Variants in DCLRE1C observed in about 807,000 individuals in gnomAD.
The protein encoded by DCLRE1C is DNA cross-link repair 1C.
A neutral mutation model predicts 61.4 loss-of-function variants in DCLRE1C; 47 were observed. That is an observed-to-expected ratio of 0.77 (90% CI 0.61 to 0.98). The LOEUF (loss-of-function observed/expected upper bound fraction) is 0.98, where lower values mean the gene tolerates loss of function less well. Among genes scored for constraint, DCLRE1C ranks in the 50% least tolerant of loss-of-function variants. The pLI, the probability that DCLRE1C is intolerant of heterozygous loss-of-function variation, is 0.00. For synonymous variants in DCLRE1C, 337 were observed against 287.6 expected (o/e 1.17, Z -1.74); for missense variants, 858 against 816.0 (o/e 1.05, Z -0.63).
Position 14,934,742 on chromosome 10 carries a change from A to G in DCLRE1C, c.498T>C (p.Thr166=), listed in dbSNP as rs756168646. 27 of 1,613,888 alleles carry G rather than the reference A, an allele frequency of 1.7e-5. No individual in the cohort carries two copies. The highest frequency in any genetic ancestry group is 2.3e-5 in the Non-Finnish European group (27 of 1,179,834). Reference sequence around the variant, plus strand: ...GGTAAAATCTTGGATCACAGAACGTAGTATCCAAATATACACTTTGGATGT... The same window carrying G: ...GGTAAAATCTTGGATCACAGAACGTGGTATCCAAATATACACTTTGGATGT... ...VKDIQSVYLD[T]TFCDPRFYQI... The change falls in exon 7 of 14, where the codon ACT becomes ACC. Residue 166 remains threonine (T), a synonymous_variant. Transcript: ENST00000378278.
At chr10:14,897,748 A>G (rs1833687167) in exon 14 of DCLRE1C, 3 of 308,014 alleles carry the variant, frequency 9.7e-6, no homozygotes, top group East Asian at 5.3e-5. Context: ...TCATCTTTCA[A>G]CAAATACACA....
intron 1 of DCLRE1C, among the ~76,000 whole-genome samples, chr10:14,950,634 G>A (rs1385479809): frequency 6.6e-6 from 1 of 152,186 alleles, no homozygotes; most frequent in Non-Finnish European, 1.5e-5. Flanking sequence ...GTATATCCCT[G>A]GGCAGCATTC....
chr10:14,928,599 T>C (rs747409542), intron 9 of DCLRE1C, among the ~76,000 whole-genome samples: 1 of 152,184 alleles, frequency 6.6e-6, no homozygotes, highest in Non-Finnish European at 1.5e-5. Flanking sequence ...GGTATTGTAC[T>C]GTGGTTATAT....
rs139209347 is a variant in DCLRE1C at position 14,953,782 on chromosome 10, C to T, written c.109+120G>A. On this transcript the variant is annotated intron_variant, in intron 1 of 13. Transcript: ENST00000378278. ...GAGCCCGACTGGGACAAGGCGTGTG[C>T]TGGCCGCCCCCTCGCTGGCTTCCCA... 1.8e-4 allele frequency: 262 copies of T among 1,434,628 alleles called. No homozygotes were observed. In the African/African-American group the frequency reaches 3.3e-3, roughly 18 times the overall value. 88.9% of individuals were successfully genotyped at this position (1,434,628 alleles called of 1,614,324 possible).
At chr10:14,899,577 C>T (rs1833854770) in intron 13 of DCLRE1C, 1 of 1,614,116 alleles carries the variant, frequency 6.2e-7, no homozygotes, top group Non-Finnish European at 8.5e-7. Flanking sequence ...GAGGACAGTT[C>T]TATGACAACA....
rs1485481831 is a variant in DCLRE1C at position 14,935,603 on chromosome 10, T to C, written c.363-39A>G. ...ATATCCCAGTGACTTCTGAGTCTCA[T>C]ATAAACTCCCAATAAAGCAAATACA... is the stretch of plus-strand genomic sequence containing the variant. On this transcript the variant is annotated intron_variant, in intron 5 of 13. Transcript: ENST00000378278. The C allele has an allele frequency of 3.8e-6, 6 of 1,585,416 alleles. No homozygotes were observed. In the South Asian group the frequency reaches 4.4e-5, roughly 12 times the overall value.
rs1834400969 is a variant in DCLRE1C at position 14,906,443 on chromosome 10, G to A, written c.*1965C>T. ...AAACGTAACAGTATGTAATATTAAT[G>A]TGATTATAAAATAACAGGAATATAT... On this transcript the variant is annotated 3_prime_UTR_variant, in exon 14 of 14. Coordinates refer to ENST00000378278, the MANE Select transcript of DCLRE1C (RefSeq NM_001033855.3). 6.6e-6 allele frequency among the ~76,000 whole-genome samples: 1 copy of A among 152,150 alleles called. No individual in the cohort carries two copies. The highest frequency in any genetic ancestry group is 2.1e-4 in the South Asian group (1 of 4,826).
chr10:14,915,458 T>C (rs1836018301), intron 13 of DCLRE1C, among the ~76,000 whole-genome samples: 1 of 151,816 alleles, frequency 6.6e-6, no homozygotes, highest in African/African-American at 2.4e-5. Flanking sequence ...AGCAAGAGGA[T>C]TAATATCAGT....
rs1837349865 is a variant in DCLRE1C, at chr10:14,922,903, T to C, written c.1061+78A>G. On this transcript the variant is annotated intron_variant, in intron 12 of 13. Coordinates refer to ENST00000378278, the MANE Select transcript of DCLRE1C (RefSeq NM_001033855.3). The stretch of plus-strand genomic sequence containing the variant: ...CAAACAGATTCTAGACTTGTAAACA[T>C]TCAGGCAAACTCTCCTTTGTGTCCT... The C allele has an allele frequency of 3.0e-6, 3 of 1,004,516 alleles. No homozygotes were observed. In the Admixed American group the frequency reaches 5.1e-5, roughly 17 times the overall value. The allele number at this position is 1,004,516 out of a possible 1,614,324, so 62.2% of individuals were successfully genotyped here. A position where few individuals can be genotyped will look rare whatever the true frequency, so the allele number is the denominator to read the frequency against.
At chr10:14,945,891 C>T (rs1195115514) in intron 2 of DCLRE1C, among the ~76,000 whole-genome samples, 1 of 150,072 alleles carries the variant, frequency 6.7e-6, no homozygotes, top group Non-Finnish European at 1.5e-5. Context: ...CTCCTGACCT[C>T]GGGTGATCCA....
chr10:14,927,596 G>C, intron 10 of DCLRE1C, among the ~76,000 whole-genome samples: 1 of 125,414 alleles, frequency 8.0e-6, no homozygotes, highest in Non-Finnish European at 1.6e-5. Flanking sequence ...AGGAGAGGGA[G>C]GGAAGAAGGG....
At chr10:14,943,505 CTGTTT>C (rs1451488762) in intron 3 of DCLRE1C, among the ~76,000 whole-genome samples, 1 of 152,118 alleles carries the variant, frequency 6.6e-6, no homozygotes, top group Admixed American at 6.5e-5. Flanking sequence ...ATTTATCCTT[CTGTTT>C]TATCTATGTC....
intron 2 of DCLRE1C, chr10:14,947,396 C>G (rs928376544): frequency 6.6e-6 from 1 of 152,204 alleles, no homozygotes; most frequent in Non-Finnish European, 1.5e-5. Context: ...CATTCCCATT[C>G]TACCCTGTCA....
intron 1 of DCLRE1C, among the ~76,000 whole-genome samples, chr10:14,953,391 C>T (rs192448335): frequency 3.3e-5 from 5 of 152,214 alleles, no homozygotes; most frequent in Non-Finnish European, 7.4e-5. Context: ...AACATCCCTC[C>T]AACCTAAACT....
At chr10:14,945,023 C>T (rs746204144) in intron 3 of DCLRE1C, 82 bp downstream of exon 3, 106 of 1,066,986 alleles carry the variant, frequency 9.9e-5, no homozygotes, top group Non-Finnish European at 1.3e-4. Context: ...ATGTTACAAA[C>T]TGAGGCAAAG....
chr10:14,943,869 T>C (rs986367262), intron 3 of DCLRE1C, among the ~76,000 whole-genome samples: 4 of 152,196 alleles, frequency 2.6e-5, no homozygotes, highest in African/African-American at 9.7e-5. Flanking sequence ...TTTTTTAACT[T>C]AAACTGAGAA....
At chr10:14,917,058 T>C (rs938157760) in intron 13 of DCLRE1C, among the ~76,000 whole-genome samples, 7 of 152,164 alleles carry the variant, frequency 4.6e-5, no homozygotes, top group Admixed American at 1.3e-4. Context: ...AAGATAGAGA[T>C]TATGAAACAT....
intron 13 of DCLRE1C, among the ~76,000 whole-genome samples, chr10:14,916,232 G>A (rs2130691476): frequency 6.6e-6 from 1 of 152,314 alleles, no homozygotes; most frequent in East Asian, 1.9e-4. Flanking sequence ...GTTTCACACT[G>A]TAGTGGTAGT....
intron 13 of DCLRE1C, among the ~76,000 whole-genome samples, chr10:14,916,611 A>G (rs574473940): frequency 3.3e-5 from 5 of 152,372 alleles, no homozygotes; most frequent in African/African-American, 1.2e-4. Flanking sequence ...CACTCAGCCT[A>G]TATTTCTATA....
Sources: gnomAD v4.1 joint callset for allele counts (sites outside exome capture counted in the v4.1 genomes callset) on GRCh38, gnomAD v4.1.1 for gene constraint, MANE v1.5 for transcripts, NCBI Gene and HGNC (gene_info 2026-07-23, HGNC 2026-07-21) for gene names.